VCP: variants seen among roughly 807,000 people sequenced by gnomAD.
The protein encoded by VCP is valosin containing protein, also known as transitional endoplasmic reticulum ATPase.
Under a neutral mutation model 85.7 loss-of-function variants are expected in VCP, and 6 were observed. That is an observed-to-expected ratio of 0.07 (90% CI 0.04 to 0.14). VCP has a LOEUF of 0.14. Ranked by LOEUF, VCP falls within the 10% of genes least tolerant of loss-of-function variation. VCP has a pLI of 1.00. For missense variants in VCP, 353 were observed against 1,043.4 expected, an observed-to-expected ratio of 0.34 and a Z score of 9.12; for synonymous variants, 384 against 367.1, an observed-to-expected ratio of 1.05 and a Z score of -0.53.
chr9:35,061,749 G>C, intron 9 of VCP, 60 bp from the exon 10 acceptor site: 1 of 1,484,738 alleles, frequency 6.7e-7, no homozygotes, highest in Non-Finnish European at 9.4e-7. Context: ...TAAGAGACAG[G>C]CCTAGGGTGA....
chr9:35,067,582 C>T (rs551491321), intron 3 of VCP, among the ~76,000 whole-genome samples: 71 of 152,228 alleles, frequency 4.7e-4, no homozygotes, highest in African/African-American at 1.5e-3. Context: ...TACACACCCT[C>T]GAGTGGTATC....
At position 35,057,140 on chromosome 9, in the gene VCP, T is replaced by C. The variant is rs1828625050; in HGVS notation, c.2398A>G (p.Asn800Asp). The C allele has an allele frequency of 1.2e-6, 2 of 1,613,978 alleles. No homozygotes were observed. Among genetic ancestry groups the C allele is most frequent in the African/African-American group, 1.3e-5 (1 of 74,914 alleles). Reference sequence around the variant, plus strand: ...ACTTAGCCATACAGGTCATCATCATTGTCTTCTGTGTATACACTGCCACCT... The same window carrying C: ...ACTTAGCCATACAGGTCATCATCATCGTCTTCTGTGTATACACTGCCACCT... The part of the protein sequence containing the change: ...GTGGSVYTED[N>D]DDDLYG Residue 800 changes from asparagine (N) to aspartate (D), a missense_variant, in exon 17 of 17, where the codon AAT becomes GAT. This residue lies in a region of VCP where 93 missense variants were observed against 197.1 expected (regional missense o/e 0.47). Transcript: ENST00000358901.
rs553370942 is a variant in VCP at position 35,057,053 on chromosome 9, G to A, written c.*64C>T. On this transcript the variant is annotated 3_prime_UTR_variant, in exon 17 of 17. Coordinates refer to ENST00000358901, the MANE Select transcript of VCP (RefSeq NM_007126.5). ...CACCCCTGGTCCCTCTCCTGGGCAAGCGCCCCCACCCCCAGGGAACAAGGT... is the reference window on the plus strand; with the variant it reads ...CACCCCTGGTCCCTCTCCTGGGCAAACGCCCCCACCCCCAGGGAACAAGGT... 65 of 1,565,732 alleles carry A rather than the reference G, an allele frequency of 4.2e-5. No homozygotes were observed. In the East Asian group the frequency reaches 1.4e-3, roughly 33 times the overall value.
intron 12 of VCP, 38 bp from the exon 13 acceptor site, chr9:35,060,563 A>G: frequency 6.2e-7 from 1 of 1,601,800 alleles, no homozygotes; most frequent in Non-Finnish European, 8.5e-7. Flanking sequence ...GGCTACCTCC[A>G]CATTTTGAAA....
At chr9:35,068,158 C>T (rs1828870208) in intron 2 of VCP, 93 bp downstream of exon 2, 1 of 1,603,412 alleles carries the variant, frequency 6.2e-7, no homozygotes, top group South Asian at 1.1e-5. Flanking sequence ...CCCACTCTAT[C>T]TGCAGTCACT....
rs1828956287 is a variant in VCP, at chr9:35,071,917, C to T, written c.17+420G>A. The T allele has an allele frequency of 9.9e-6, 10 of 1,006,436 alleles. 1 individual carries two copies. Among genetic ancestry groups the T allele is most frequent in the Admixed American group, 6.1e-5 (1 of 16,466 alleles). The allele number at this position is 1,006,436 out of a possible 1,614,324, so 62.3% of individuals were successfully genotyped here. ...GGGCCCGGCTGGGGCCTCGGGCTCG[C>T]GGGGCCTGCTCTCTCCGGGGACCAA... On this transcript the variant is annotated intron_variant, in intron 1 of 16. Coordinates refer to ENST00000358901, the MANE Select transcript of VCP (RefSeq NM_007126.5).
At chr9:35,057,282 C>T (rs1175650777) in intron 16 of VCP, 60 bp from the exon 17 acceptor site, 1 of 1,613,626 alleles carries the variant, frequency 6.2e-7, no homozygotes, top group East Asian at 2.2e-5. Flanking sequence ...AAGATTTCCA[C>T]AACTACCCCT....
chr9:35,056,093 T>A lies in VCP; in HGVS notation c.*1024A>T, dbSNP rs985212479. The A allele has an allele frequency of 7.9e-5, 12 of 152,124 alleles. No homozygotes were observed. The highest frequency in any genetic ancestry group is 3.4e-3 in the Middle Eastern group (1 of 292). 9.4% of individuals were successfully genotyped at this position (152,124 alleles called of 1,614,324 possible). A position where few individuals can be genotyped will look rare whatever the true frequency, so the allele number is the denominator to read the frequency against. Reference sequence around the variant, plus strand: ...ATATTAACAAAAAGTTTTTTTTTTTTAATCAAAGTACATAAAATAAAGGTG... The same window carrying A: ...ATATTAACAAAAAGTTTTTTTTTTTAAATCAAAGTACATAAAATAAAGGTG... On this transcript the variant is annotated 3_prime_UTR_variant, in exon 17 of 17. Coordinates refer to ENST00000358901, the MANE Select transcript of VCP (RefSeq NM_007126.5).
intron 6 of VCP, 50 bp downstream of exon 6, chr9:35,064,104 T>C: frequency 6.2e-7 from 1 of 1,613,390 alleles, no homozygotes; most frequent in African/African-American, 1.3e-5. Flanking sequence ...TGGGACAGGA[T>C]TAGACATTGG....
chr9:35,065,856 T>C (rs1000604373), intron 4 of VCP, among the ~76,000 whole-genome samples: 1 of 152,182 alleles, frequency 6.6e-6, no homozygotes, highest in Non-Finnish European at 1.5e-5. Flanking sequence ...TTTGCATGTG[T>C]GTGTATACAA....
chr9:35,059,161 G>A lies in VCP; in HGVS notation c.2063C>T (p.Thr688Ile). The A allele has an allele frequency of 6.2e-7, 1 of 1,614,118 alleles. No individual in the cohort carries two copies. Among genetic ancestry groups the A allele is most frequent in the Non-Finnish European group, 8.5e-7 (1 of 1,180,022 alleles). The change falls in exon 15 of 17, where the codon ACA becomes ATA. Residue 688 changes from threonine to isoleucine, a missense_variant. Physicochemically the swap from Thr to Ile is moderately conservative, Grantham distance 89. Around this residue, in one of 8 missense-constraint regions of VCP, gnomAD observed 93 missense variants for 197.1 expected, o/e 0.47. Coordinates refer to ENST00000358901, the MANE Select transcript of VCP (RefSeq NM_007126.5). This position sits in a 1 kb window ranked among gnomAD's most constrained non-coding sequence, Gnocchi z 4.9. Reference protein sequence around the residue: ...MTNGFSGADLTEICQRACKLA... With the variant: ...MTNGFSGADLIEICQRACKLA... The stretch of plus-strand genomic sequence containing the variant: ...CTTGCAAGCACGCTGGCAAATCTCT[G>A]TCAGGTCAGCTCCAGAGAAGCCATT...
At chr9:35,070,160 GT>G (rs1828911720) in intron 1 of VCP, among the ~76,000 whole-genome samples, 1 of 152,154 alleles carries the variant, frequency 6.6e-6, no homozygotes, top group Non-Finnish European at 1.5e-5. Context: ...CTCTAAACTA[GT>G]TTCTAACGAC....
chr9:35,064,100 A>G, intron 6 of VCP, 54 bp downstream of exon 6: 1 of 1,612,452 alleles, frequency 6.2e-7, no homozygotes, highest in South Asian at 1.1e-5. Flanking sequence ...ACATTGGGAC[A>G]GGATTAGACA....
At position 35,056,800 on chromosome 9, in the gene VCP, G is replaced by A. The variant is rs928064904; in HGVS notation, c.*317C>T. 1.1e-4 allele frequency: 41 copies of A among 380,538 alleles called. No individual in the cohort carries two copies. The highest frequency in any genetic ancestry group is 6.0e-4 in the African/African-American group (29 of 48,100). 23.6% of individuals were successfully genotyped at this position (380,538 alleles called of 1,614,324 possible). On this transcript the variant is annotated 3_prime_UTR_variant, in exon 17 of 17. Transcript: ENST00000358901. ...TGCTTTACTGTGGCAGGTGGCAGTA[G>A]TGCCTTGGTTCACACCCCACACAGG...
chr9:35,061,865 T>C (rs973937346), intron 9 of VCP, 138 bp downstream of exon 9: 33 of 1,531,828 alleles, frequency 2.2e-5, no homozygotes, highest in Middle Eastern at 2.1e-4. Context: ...TTGGTCACTC[T>C]AGACAGGACG....
At chr9:35,068,593 C>T (rs1470707416) in intron 1 of VCP, among the ~76,000 whole-genome samples, 4 of 152,054 alleles carry the variant, frequency 2.6e-5, no homozygotes, top group Non-Finnish European at 5.9e-5. Flanking sequence ...GCTATAAGGC[C>T]CCAAGTGAGT....
At chr9:35,065,929 G>A (rs963456876) in intron 4 of VCP, among the ~76,000 whole-genome samples, 7 of 152,056 alleles carry the variant, frequency 4.6e-5, no homozygotes, top group Non-Finnish European at 5.9e-5. Context: ...AGTTCGAGAC[G>A]AGCCTGACCA....
chr9:35,060,220 G>T, intron 13 of VCP, 93 bp downstream of exon 13: 2 of 1,293,216 alleles, frequency 1.5e-6, no homozygotes, highest in Non-Finnish European at 2.2e-6. Context: ...TGAGCAGCCA[G>T]CACTAAGAAT....
intron 9 of VCP, 111 bp downstream of exon 9, chr9:35,061,892 G>C (rs1259140712): frequency 9.5e-6 from 15 of 1,582,422 alleles, no homozygotes; most frequent in African/African-American, 1.3e-5. Flanking sequence ...AAAGGAAAAA[G>C]ACCCCTGGAC....
Sources: gnomAD v4.1 joint callset for allele counts (sites outside exome capture counted in the v4.1 genomes callset) on GRCh38, gnomAD v4.1.1 for gene constraint, gnomAD v4.1.1 regional missense constraint, Gnocchi (gnomAD v3.1) non-coding constraint, MANE v1.5 for transcripts, NCBI Gene and HGNC (gene_info 2026-07-23, HGNC 2026-07-21) for gene names.